Variants in MYO9A observed in about 807,000 individuals in gnomAD.
The protein encoded by MYO9A is myosin IXA.
In MYO9A, 103 loss-of-function variants were observed where a neutral mutation model predicts 293.3. The ratio of observed to expected loss-of-function variants is 0.35; its 90% CI spans 0.30 to 0.41. MYO9A has a LOEUF of 0.41. Ranked by LOEUF, MYO9A falls within the 10% of genes least tolerant of loss-of-function variation. The pLI, the probability that MYO9A is intolerant of heterozygous loss-of-function variation, is 1.00. For missense variants in MYO9A, 2,685 were observed against 3,033.0 expected, an observed-to-expected ratio of 0.89 and a Z score of 2.69; for synonymous variants, 1,001 against 1,035.7, an observed-to-expected ratio of 0.97 and a Z score of 0.64.
At chr15:71,871,672 A>C (rs1381016055) in intron 32 of MYO9A, among the ~76,000 whole-genome samples, 1 of 151,196 alleles carries the variant, frequency 6.6e-6, no homozygotes, top group African/African-American at 2.4e-5. Context: ...TAACAGAGTG[A>C]GACCCTGTCT....
rs1240329213 is a variant in MYO9A, at chr15:71,897,670, T to A, written c.4833A>T (p.Pro1611=). Reference sequence around the variant, plus strand: ...ATTCCTTGACAGTACTAGATTGGCATGGACTTCCTTTTCTTTCAAAGAACA... The same window carrying A: ...ATTCCTTGACAGTACTAGATTGGCAAGGACTTCCTTTTCTTTCAAAGAACA... ...VTVFFERKGS[P]CQSSTVKELS... Residue 1611 remains proline (P), a synonymous_variant, in exon 25 of 42, where the codon CCA becomes CCT. Transcript: ENST00000356056. 2 of 1,614,176 alleles carry A rather than the reference T, an allele frequency of 1.2e-6. No individual in the cohort carries two copies. Among genetic ancestry groups the A allele is most frequent in the Non-Finnish European group, 1.7e-6 (2 of 1,180,032 alleles).
At position 71,840,730 on chromosome 15, in the gene MYO9A, C is replaced by T. The variant is rs376388118; in HGVS notation, c.6837+8115G>A. ...CTGCAAGCTCTGCCTCTGGGGTTCA[C>T]GCCATTCTTCTGCCTCAGCCTCCTG... On this transcript the variant is annotated intron_variant, in intron 39 of 41. Coordinates refer to ENST00000356056, the MANE Select transcript of MYO9A (RefSeq NM_006901.4). Among the ~76,000 whole-genome samples the T allele has an allele frequency of 2.0e-4, 30 of 152,150 alleles. No homozygotes were observed. In the East Asian group the frequency reaches 3.1e-3, roughly 16 times the overall value.
chr15:71,954,453 C>T (rs1166528992), intron 14 of MYO9A, among the ~76,000 whole-genome samples: 2 of 152,146 alleles, frequency 1.3e-5, no homozygotes, highest in African/African-American at 2.4e-5. Context: ...ATCCACCTGA[C>T]TCGGCCTCCA....
intron 1 of MYO9A, among the ~76,000 whole-genome samples, chr15:72,053,130 T>G (rs1348410511): frequency 6.6e-6 from 1 of 152,154 alleles, no homozygotes; most frequent in African/African-American, 2.4e-5. Context: ...CTGGGCCTGG[T>G]GGCTCACGCC....
intron 39 of MYO9A, among the ~76,000 whole-genome samples, chr15:71,843,428 C>T (rs1172262387): frequency 6.6e-6 from 1 of 152,156 alleles, no homozygotes; most frequent in African/African-American, 2.4e-5. Flanking sequence ...AAGACTCTGT[C>T]TCAAAAATAA....
chr15:71,876,295 ACAC>A (rs992953077), intron 31 of MYO9A, among the ~76,000 whole-genome samples: 1 of 151,252 alleles, frequency 6.6e-6, no homozygotes, highest in Non-Finnish European at 1.5e-5. Flanking sequence ...TTATAGGCAC[ACAC>A]CACCACATCT....
intron 32 of MYO9A, among the ~76,000 whole-genome samples, chr15:71,871,669 G>GT (rs1421519417): frequency 6.7e-6 from 1 of 148,648 alleles, no homozygotes; most frequent in African/African-American, 2.5e-5. Context: ...AGGTAACAGA[G>GT]TGAGACCCTG....
intron 39 of MYO9A, among the ~76,000 whole-genome samples, chr15:71,840,297 T>C (rs2055100088): frequency 6.6e-6 from 1 of 152,228 alleles, no homozygotes; most frequent in South Asian, 2.1e-4. Flanking sequence ...CCTTTTTCCT[T>C]GCACCTGAGT....
chr15:72,097,735 C>T (rs2080110031), intron 1 of MYO9A, among the ~76,000 whole-genome samples: 1 of 151,934 alleles, frequency 6.6e-6, no homozygotes, highest in African/African-American at 2.4e-5. Flanking sequence ...TGGTGTAACC[C>T]CATGTCTCTA....
At chr15:71,883,467 G>T in intron 28 of MYO9A, 127 bp downstream of exon 28, 1 of 982,114 alleles carries the variant, frequency 1.0e-6, no homozygotes, top group Non-Finnish European at 1.5e-6. Context: ...ATTTAACAAT[G>T]CTGGTCCTAT....
intron 39 of MYO9A, among the ~76,000 whole-genome samples, chr15:71,844,773 GC>G (rs2055312169): frequency 6.6e-6 from 1 of 152,100 alleles, no homozygotes; most frequent in South Asian, 2.1e-4. Context: ...ATCGAAGTAA[GC>G]CTAAACAGTA....
chr15:71,927,817 A>G (rs866980572), intron 18 of MYO9A, among the ~76,000 whole-genome samples: 4 of 149,556 alleles, frequency 2.7e-5, no homozygotes, highest in Non-Finnish European at 5.9e-5. Context: ...TATGGTCCCA[A>G]TTTCATTCTT....
chr15:71,854,710 T>C (rs1342516062), intron 34 of MYO9A, 141 bp from the exon 35 acceptor site: 3 of 585,674 alleles, frequency 5.1e-6, no homozygotes, highest in Admixed American at 3.7e-5. Context: ...AAGGGAATTA[T>C]GTTTAAGTAA....
chr15:72,010,568 T>C (rs1040945910), intron 6 of MYO9A, 121 bp from the exon 7 acceptor site: 21 of 769,560 alleles, frequency 2.7e-5, no homozygotes, highest in African/African-American at 1.4e-4. Context: ...TTAGAGCTGG[T>C]AGAATAGTAA....
At chr15:71,979,953 A>C (rs1323364223) in intron 11 of MYO9A, among the ~76,000 whole-genome samples, 2 of 152,202 alleles carry the variant, frequency 1.3e-5, no homozygotes, top group Non-Finnish European at 2.9e-5. Flanking sequence ...ATAAACTTTG[A>C]GAATCACTGC....
intron 1 of MYO9A, among the ~76,000 whole-genome samples, chr15:72,093,983 A>G (rs1464540385): frequency 1.1e-5 from 1 of 92,080 alleles, no homozygotes; most frequent in African/African-American, 2.6e-5. Flanking sequence ...AATCACCCAC[A>G]GTAAAAGAAG....
intron 18 of MYO9A, among the ~76,000 whole-genome samples, chr15:71,932,919 C>T (rs2058519271): frequency 6.6e-6 from 1 of 151,824 alleles, no homozygotes; most frequent in South Asian, 2.1e-4. Context: ...GTTTGAGTTG[C>T]TTCAAGTTTT....
chr15:71,999,850 C>A lies in MYO9A; in HGVS notation c.1470+1G>T. ...TTCATTTCAAAGAAAATCCATCATA[C>A]CTCTGCCAACTTGTATGGCAAAATA... On this transcript the variant is annotated splice_donor_variant, in intron 9 of 41. Coordinates refer to ENST00000356056, the MANE Select transcript of MYO9A (RefSeq NM_006901.4). LOFTEE classifies it high-confidence loss of function. 1.2e-6 allele frequency: 2 copies of A among 1,610,516 alleles called. No individual in the cohort carries two copies. Among genetic ancestry groups the A allele is most frequent in the Non-Finnish European group, 1.7e-6 (2 of 1,178,040 alleles).
chr15:71,897,346 G>C (rs949479404), intron 25 of MYO9A, 115 bp downstream of exon 25: 6 of 1,146,774 alleles, frequency 5.2e-6, no homozygotes, highest in Non-Finnish European at 6.1e-6. Context: ...TTTACAAAGA[G>C]AAAATGGCCA....
Sources: allele counts gnomAD v4.1 joint callset (sites outside exome capture counted in the v4.1 genomes callset), GRCh38; gene constraint gnomAD v4.1.1; transcripts MANE v1.5; gene names NCBI Gene and HGNC (gene_info 2026-07-23, HGNC 2026-07-21).